The following RBM6 variants were observed in gnomAD, a reference collection of about 807,000 sequenced individuals.
RBM6 encodes the protein RNA binding motif protein 6.
RBM6 carries 23 observed loss-of-function variants against 140.4 expected under a neutral mutation model. That is an observed-to-expected ratio of 0.16 (90% CI 0.12 to 0.23). The LOEUF (loss-of-function observed/expected upper bound fraction) is 0.23, where lower values mean the gene tolerates loss of function less well. Among genes scored for constraint, RBM6 ranks in the 10% least tolerant of loss-of-function variants. The probability of loss-of-function intolerance (pLI) is 1.00; values close to 1 mark genes in which losing one functional copy is unlikely to be tolerated. For synonymous variants in RBM6, 439 were observed against 475.6 expected, an observed-to-expected ratio of 0.92 and a Z score of 1.00; for missense variants, 1,139 against 1,386.7, an observed-to-expected ratio of 0.82 and a Z score of 2.84.
intron 5 of RBM6, among the ~76,000 whole-genome samples, chr3:49,980,950 T>C (rs2085280285): frequency 6.6e-6 from 1 of 151,890 alleles, no homozygotes; most frequent in South Asian, 2.1e-4. Context: ...TCACCAGTGC[T>C]GGAGTGCAGT....
chr3:50,031,900 T>A (rs1411656973), intron 6 of RBM6, among the ~76,000 whole-genome samples: 3 of 152,232 alleles, frequency 2.0e-5, no homozygotes, highest in African/African-American at 7.2e-5. Flanking sequence ...CTATTCCCCA[T>A]GATATGCTTA....
At position 49,967,810 on chromosome 3, in the gene RBM6, G is replaced by C; in HGVS notation, c.385G>C (p.Glu129Gln). 9 of 1,614,142 alleles carry C rather than the reference G, an allele frequency of 5.6e-6. No individual in the cohort carries two copies. Among genetic ancestry groups the C allele is most frequent in the Non-Finnish European group, 7.6e-6 (9 of 1,180,038 alleles). Residue 129 changes from glutamate to glutamine, a missense_variant, in exon 3 of 21, where the codon GAA (glutamate) becomes CAA (glutamine). Physicochemically the swap from Glu to Gln is conservative, Grantham distance 29 (BLOSUM62 2). Transcript: ENST00000266022. This position sits in a 1 kb window ranked among gnomAD's most constrained non-coding sequence, Gnocchi z 4.0. ...DIHSGDFRDR[E>Q]GPPMDYRGGD... ...ACATTCTGGGGATTTTCGGGATAGA[G>C]AAGGACCACCTATGGACTATAGGGG... is the stretch of plus-strand genomic sequence containing the variant.
chr3:50,015,345 G>T (rs2087078320), intron 6 of RBM6, among the ~76,000 whole-genome samples: 1 of 150,758 alleles, frequency 6.6e-6, no homozygotes, highest in Non-Finnish European at 1.5e-5. Flanking sequence ...TGACCTTATG[G>T]TCTGCCCGCC....
intron 2 of RBM6, among the ~76,000 whole-genome samples, chr3:49,964,693 G>C (rs1559530805): frequency 6.6e-6 from 1 of 152,108 alleles, no homozygotes; most frequent in Admixed American, 6.6e-5. Context: ...AAAATATTTA[G>C]GTTGTAATCT....
chr3:50,010,748 C>G (rs568130914), intron 6 of RBM6, among the ~76,000 whole-genome samples: 1 of 151,196 alleles, frequency 6.6e-6, no homozygotes, highest in East Asian at 2.0e-4. Context: ...ACCAAAAATA[C>G]GAAAATTAGC....
At chr3:50,022,518 C>A (rs962130040) in intron 6 of RBM6, among the ~76,000 whole-genome samples, 13 of 151,920 alleles carry the variant, frequency 8.6e-5, no homozygotes, top group Admixed American at 7.2e-4. Context: ...TTAGTAGAGA[C>A]AGGGTTTCTC....
intron 6 of RBM6, among the ~76,000 whole-genome samples, chr3:50,013,645 C>T (rs1253753951): frequency 2.6e-5 from 4 of 152,032 alleles, no homozygotes; most frequent in South Asian, 2.1e-4. Flanking sequence ...TCCAGCCTGG[C>T]GACAGCGAGG....
intron 5 of RBM6, among the ~76,000 whole-genome samples, chr3:49,997,875 T>G (rs1001520027): frequency 5.3e-5 from 8 of 152,234 alleles, no homozygotes; most frequent in Admixed American, 1.3e-4. Flanking sequence ...ATATGCATGC[T>G]GTTTCTCTAA....
intron 20 of RBM6, 70 bp from the exon 21 acceptor site, chr3:50,076,938 G>T: frequency 1.4e-6 from 2 of 1,463,522 alleles, no homozygotes; most frequent in Non-Finnish European, 1.8e-6. Context: ...AGAAATGCCT[G>T]TGGTCAAAGA....
intron 6 of RBM6, among the ~76,000 whole-genome samples, chr3:50,042,140 C>T (rs1259768480): frequency 1.3e-5 from 2 of 152,120 alleles, no homozygotes; most frequent in Non-Finnish European, 2.9e-5. Flanking sequence ...TAAACAGTAC[C>T]AGTTCTCAGC....
intron 5 of RBM6, among the ~76,000 whole-genome samples, chr3:49,996,770 G>A (rs1346131734): frequency 2.0e-5 from 3 of 152,164 alleles, no homozygotes; most frequent in Admixed American, 6.5e-5. Context: ...AGGCATATGG[G>A]ACCCTTTCTG....
chr3:49,996,563 T>C (rs1224622648), intron 5 of RBM6, among the ~76,000 whole-genome samples: 3 of 152,204 alleles, frequency 2.0e-5, no homozygotes, highest in African/African-American at 7.2e-5. Context: ...TAATAAGACA[T>C]TTTAGTTTTC....
At position 49,983,712 on chromosome 3, in the gene RBM6, C is replaced by G. The variant is rs147101325; in HGVS notation, c.1483+8320C>G. Among the ~76,000 whole-genome samples, 292 of 152,290 alleles carry G rather than the reference C, an allele frequency of 1.9e-3. 1 individual carries two copies. Among genetic ancestry groups the G allele is most frequent in the Non-Finnish European group, 2.6e-3 (176 of 68,030 alleles). ...TCTTGTTTTTAACCAGGAGTCCTAT[C>G]AGGTTTGATACAACCTTCGGGGAGG... On this transcript the variant is annotated intron_variant, in intron 5 of 20. Coordinates refer to ENST00000266022, the MANE Select transcript of RBM6 (RefSeq NM_005777.3).
intron 17 of RBM6, among the ~76,000 whole-genome samples, chr3:50,067,695 A>T (rs2090165612): frequency 6.6e-6 from 1 of 152,224 alleles, no homozygotes; most frequent in African/African-American, 2.4e-5. Flanking sequence ...CTGACCAAGG[A>T]TCCAAATTAT....
chr3:50,050,163 A>C (rs2089411411), intron 7 of RBM6, among the ~76,000 whole-genome samples: 1 of 152,030 alleles, frequency 6.6e-6, no homozygotes, highest in African/African-American at 2.4e-5. Context: ...TGCCATATCT[A>C]GCCTCAGATC....
chr3:49,950,208 G>A (rs1180239065), intron 1 of RBM6, among the ~76,000 whole-genome samples: 2 of 152,096 alleles, frequency 1.3e-5, no homozygotes, highest in African/African-American at 4.8e-5. Context: ...TTAGCTGAAT[G>A]TCCTGTGTAG....
chr3:49,987,847 C>G (rs2085636541), intron 5 of RBM6, among the ~76,000 whole-genome samples: 1 of 152,172 alleles, frequency 6.6e-6, no homozygotes, highest in South Asian at 2.1e-4. Context: ...CCGTGTAGGC[C>G]AGGCTGGTCT....
intron 4 of RBM6, among the ~76,000 whole-genome samples, chr3:49,974,228 AT>A (rs1271918276): frequency 7.3e-5 from 11 of 151,316 alleles, no homozygotes; most frequent in Admixed American, 7.3e-4. Context: ...GAATTTTTAA[AT>A]ATTTATTTAT....
At chr3:50,060,463 A>T (rs2089890081) in intron 11 of RBM6, among the ~76,000 whole-genome samples, 1 of 151,902 alleles carries the variant, frequency 6.6e-6, no homozygotes, top group Admixed American at 6.6e-5. Flanking sequence ...CTTACTGCTC[A>T]TTGGGCAGGC....
Sources: allele counts gnomAD v4.1 joint callset (sites outside exome capture counted in the v4.1 genomes callset), GRCh38; gene constraint gnomAD v4.1.1; non-coding constraint Gnocchi (gnomAD v3.1); transcripts MANE v1.5; gene names NCBI Gene and HGNC (gene_info 2026-07-23, HGNC 2026-07-21).